The following KLHL1 variants were observed in gnomAD, a reference collection of about 807,000 sequenced individuals.
KLHL1 encodes kelch-like protein 1.
In KLHL1, 47 loss-of-function variants were observed where a neutral mutation model predicts 77.7. The observed-to-expected ratio is 0.60, with a 90% CI of 0.48 to 0.77. The LOEUF is 0.77. KLHL1 is among the 30% of genes least tolerant of loss of function. KLHL1 has a pLI of 0.00. For missense variants in KLHL1, 925 were observed against 910.8 expected (o/e 1.02, Z -0.20); for synonymous variants, 360 against 325.2 (o/e 1.11, Z -1.15).
chr13:70,076,983 G>A (rs1389343535), intron 1 of KLHL1, among the ~76,000 whole-genome samples: 3 of 151,922 alleles, frequency 2.0e-5, no homozygotes, highest in Non-Finnish European at 2.9e-5. Context: ...CCAAATTCTA[G>A]TAATGGTGTG....
chr13:70,038,581 A>ATTTTTTTTTTTTT (rs55885952), intron 1 of KLHL1, among the ~76,000 whole-genome samples: 3 of 73,048 alleles, frequency 4.1e-5, no homozygotes, highest in Admixed American at 2.1e-4. Flanking sequence ...ATTGTCATTA[A>ATTTTTTTTTTTTT]TTTTTTTTTT....
At chr13:69,734,394 G>T (rs777990920) in intron 8 of KLHL1, among the ~76,000 whole-genome samples, 1 of 151,940 alleles carries the variant, frequency 6.6e-6, no homozygotes. Flanking sequence ...TCCCAGTTTC[G>T]GGTATTTCTT....
chr13:69,945,227 C>A (rs903533252), intron 3 of KLHL1, among the ~76,000 whole-genome samples: 1 of 151,718 alleles, frequency 6.6e-6, no homozygotes, highest in Non-Finnish European at 1.5e-5. Flanking sequence ...CCTGTCTTGG[C>A]CTCCCAAAGT....
chr13:69,789,430 C>T (rs573990980), intron 7 of KLHL1, among the ~76,000 whole-genome samples: 3 of 151,878 alleles, frequency 2.0e-5, no homozygotes. Context: ...GTCGAGGAAT[C>T]TGAGATTAAA....
chr13:69,901,860 C>T (rs1377315244), intron 4 of KLHL1, among the ~76,000 whole-genome samples: 1 of 138,374 alleles, frequency 7.2e-6, no homozygotes, highest in African/African-American at 2.7e-5. Flanking sequence ...TGCAATGGCG[C>T]CATCTTGGCT....
intron 5 of KLHL1, among the ~76,000 whole-genome samples, chr13:69,857,752 T>C (rs1445010259): frequency 6.6e-6 from 1 of 151,960 alleles, no homozygotes; most frequent in African/African-American, 2.4e-5. Flanking sequence ...AATATAATTT[T>C]AATATTTGGA....
chr13:69,951,606 G>A (rs1008947450), intron 3 of KLHL1, among the ~76,000 whole-genome samples: 3 of 151,374 alleles, frequency 2.0e-5, no homozygotes, highest in African/African-American at 4.8e-5. Context: ...CCCTCTGTGA[G>A]GCCACCATAC....
intron 5 of KLHL1, among the ~76,000 whole-genome samples, chr13:69,862,949 A>G (rs1388744826): frequency 6.6e-6 from 1 of 152,142 alleles, no homozygotes; most frequent in Non-Finnish European, 1.5e-5. Context: ...GCTGAAGCAC[A>G]CTAATACATC....
intron 1 of KLHL1, among the ~76,000 whole-genome samples, chr13:70,060,088 A>G (rs1161351997): frequency 3.3e-5 from 5 of 152,218 alleles, no homozygotes. Context: ...AAATCCAATA[A>G]TCTGATCAAA....
At chr13:69,876,651 A>C (rs570995937) in intron 5 of KLHL1, among the ~76,000 whole-genome samples, 44 of 152,182 alleles carry the variant, frequency 2.9e-4, no homozygotes, top group African/African-American at 8.4e-4. Flanking sequence ...AACACTCACA[A>C]ACACACACAC....
chr13:69,871,809 T>G (rs1880597852), intron 5 of KLHL1, among the ~76,000 whole-genome samples: 1 of 152,014 alleles, frequency 6.6e-6, no homozygotes, highest in Admixed American at 6.6e-5. Context: ...ACCTGAGACT[T>G]TGTCAGTATG....
At chr13:69,836,273 C>A (rs931220563) in intron 6 of KLHL1, among the ~76,000 whole-genome samples, 1 of 152,086 alleles carries the variant, frequency 6.6e-6, no homozygotes, top group Non-Finnish European at 1.5e-5. Flanking sequence ...ACCTTAGACT[C>A]CTGTCCCTCA....
At chr13:69,947,576 A>G (rs957895274) in intron 3 of KLHL1, among the ~76,000 whole-genome samples, 4 of 152,144 alleles carry the variant, frequency 2.6e-5, no homozygotes, top group African/African-American at 7.2e-5. Flanking sequence ...AAAAAAAAGA[A>G]TTTTCACAAG....
chr13:69,866,042 A>G (rs578141153), intron 5 of KLHL1, among the ~76,000 whole-genome samples: 2 of 152,234 alleles, frequency 1.3e-5, no homozygotes, highest in Admixed American at 6.5e-5. Context: ...ATAAGTGACT[A>G]CTCATTGAAA....
At chr13:70,052,404 T>A (rs1415299338) in intron 1 of KLHL1, among the ~76,000 whole-genome samples, 1 of 151,858 alleles carries the variant, frequency 6.6e-6, no homozygotes, top group African/African-American at 2.4e-5. Context: ...AGCAAGTATA[T>A]ACCAAAGAAA....
At chr13:70,097,846 A>G (rs1157555691) in intron 1 of KLHL1, among the ~76,000 whole-genome samples, 2 of 151,286 alleles carry the variant, frequency 1.3e-5, no homozygotes, top group Non-Finnish European at 3.0e-5. Context: ...AAACATTCAG[A>G]GAATTAGTTT....
intron 1 of KLHL1, among the ~76,000 whole-genome samples, chr13:70,049,229 G>T (rs561567032): frequency 6.6e-6 from 1 of 151,642 alleles, no homozygotes; most frequent in East Asian, 1.9e-4. Context: ...AAACATCATA[G>T]AACTAAATGA....
intron 1 of KLHL1, among the ~76,000 whole-genome samples, chr13:70,033,370 A>T (rs1206535729): frequency 6.6e-6 from 1 of 151,798 alleles, no homozygotes; most frequent in Non-Finnish European, 1.5e-5. Context: ...GCTCACTGTA[A>T]GCTCCGCCTC....
chr13:69,802,947 C>A (rs1399841790), intron 6 of KLHL1: 1 of 152,136 alleles, frequency 6.6e-6, no homozygotes, highest in African/African-American at 2.4e-5. Flanking sequence ...TAAGGCTGGT[C>A]TGAGTGCCAT....
Sources: allele counts gnomAD v4.1 joint callset (sites outside exome capture counted in the v4.1 genomes callset), GRCh38; gene constraint gnomAD v4.1.1; transcripts MANE v1.5; gene names NCBI Gene and HGNC (gene_info 2026-07-23, HGNC 2026-07-21).